Variants in WRNIP1 observed in about 807,000 individuals in gnomAD.
WRNIP1 encodes WRN helicase interacting protein 1.
WRNIP1 carries 41 observed loss-of-function variants against 56.1 expected under a neutral mutation model. The ratio of observed to expected loss-of-function variants is 0.73; its 90% confidence interval spans 0.57 to 0.95. The LOEUF is 0.95. WRNIP1 is among the 40% of genes least tolerant of loss of function. The pLI is 0.00. For synonymous variants in WRNIP1, 547 were observed against 398.1 expected, an observed-to-expected ratio of 1.37 and a Z score of -4.45; for missense variants, 1,170 against 939.4, an observed-to-expected ratio of 1.25 and a Z score of -3.21.
intron 3 of WRNIP1, chr6:2,773,320 C>A (rs1765353498): frequency 1.0e-6 from 1 of 985,282 alleles, no homozygotes; most frequent in South Asian, 4.7e-5. Flanking sequence ...GCTAGGGGAG[C>A]AGGTCCACTT....
chr6:2,785,247 AG>A lies in WRNIP1; in HGVS notation c.1969del (p.Val657Ter), dbSNP rs780041793. On this transcript the variant is annotated frameshift_variant, in exon 7 of 7. Coordinates refer to ENST00000380773, the MANE Select transcript of WRNIP1 (RefSeq NM_020135.3). LOFTEE classifies it high-confidence loss of function. ...VDQEYLPEEL[R>X]GVDFFKQRRC is the part of the protein sequence containing the mutation. The stretch of plus-strand genomic sequence containing the variant: ...TCAGGAGTACCTGCCTGAAGAGTTG[AG>A]GGGGGTAGATTTCTTCAAGCAGAGG... 38 of 1,613,900 alleles carry A rather than the reference AG, an allele frequency of 2.4e-5. No individual in the cohort carries two copies. Among genetic ancestry groups the A allele is most frequent in the Non-Finnish European group, 3.0e-5 (35 of 1,179,996 alleles).
chr6:2,766,333 G>A lies in WRNIP1; in HGVS notation c.711G>A (p.Gln237=). 1 of 1,610,788 alleles carries A rather than the reference G, an allele frequency of 6.2e-7. No individual in the cohort carries two copies. Among genetic ancestry groups the A allele is most frequent in the South Asian group, 1.1e-5 (1 of 90,566 alleles). Residue 237 remains glutamine, a synonymous_variant, in exon 1 of 7, where the codon CAG becomes CAA. Transcript: ENST00000380773. ...ACACGATGCGTCCTGACACGCTGCAGGATTACTTCGGGCAGAGCAAGGCCG... is the reference window on the plus strand; with the variant it reads ...ACACGATGCGTCCTGACACGCTGCAAGATTACTTCGGGCAGAGCAAGGCCG... The part of the protein sequence containing the change: ...LADTMRPDTL[Q]DYFGQSKAVG...
At position 2,770,261 on chromosome 6, in the gene WRNIP1, G is replaced by A. The variant is rs1279479892; in HGVS notation, c.1156G>A (p.Val386Met). The A allele has an allele frequency of 1.2e-6, 2 of 1,614,154 alleles. No individual in the cohort carries two copies. Among genetic ancestry groups the A allele is most frequent in the Non-Finnish European group, 8.5e-7 (1 of 1,180,034 alleles). ...TGAGAAGCTTCCAGTAGAGGCAATG[G>A]TGACTATTTTAATGCGAGCGATCAA... ...VLEKLPVEAM[V>M]TILMRAINSL... Residue 386 changes from valine (V) to methionine (M), a missense_variant, in exon 3 of 7, where the codon GTG (valine) becomes ATG (methionine). Physicochemically the swap from Val to Met is conservative, Grantham distance 21. Coordinates refer to ENST00000380773, the MANE Select transcript of WRNIP1 (RefSeq NM_020135.3).
intron 4 of WRNIP1, among the ~76,000 whole-genome samples, chr6:2,782,655 G>A (rs1169388046): frequency 2.0e-5 from 3 of 152,242 alleles, no homozygotes; most frequent in Non-Finnish European, 4.4e-5. Context: ...TGAAATGTAT[G>A]CAGGTGCCAC....
intron 1 of WRNIP1, 105 bp downstream of exon 1, chr6:2,766,549 C>G (rs778601680): frequency 2.3e-5 from 32 of 1,413,174 alleles, no homozygotes; most frequent in Non-Finnish European, 2.9e-5. Flanking sequence ...CCGCCTGCCT[C>G]TCCTGGATAA....
At chr6:2,768,610 C>CTGCG in intron 1 of WRNIP1, 81 bp from the exon 2 acceptor site, 1 of 1,229,776 alleles carries the variant, frequency 8.1e-7, no homozygotes, top group Non-Finnish European at 1.1e-6. Flanking sequence ...AATAGTGATG[C>CTGCG]TGCGTGTGGT....
At chr6:2,771,353 C>T (rs1765271822) in intron 3 of WRNIP1, among the ~76,000 whole-genome samples, 2 of 152,160 alleles carry the variant, frequency 1.3e-5, no homozygotes, top group Admixed American at 6.5e-5. Context: ...AAACATTTGG[C>T]CCGTGGACCA....
chr6:2,778,616 G>T (rs1333521502), intron 3 of WRNIP1, among the ~76,000 whole-genome samples: 1 of 152,144 alleles, frequency 6.6e-6, no homozygotes, highest in Non-Finnish European at 1.5e-5. Context: ...ACCCTGTGCG[G>T]ATTTTGCATG....
intron 1 of WRNIP1, among the ~76,000 whole-genome samples, chr6:2,768,070 A>G (rs1360274860): frequency 6.6e-6 from 1 of 152,228 alleles, no homozygotes; most frequent in Non-Finnish European, 1.5e-5. Context: ...TTGAGGACCC[A>G]AGAAGTGCTT....
intron 3 of WRNIP1, among the ~76,000 whole-genome samples, chr6:2,774,649 C>A (rs548021062): frequency 2.0e-5 from 3 of 152,324 alleles, no homozygotes; most frequent in African/African-American, 4.8e-5. Context: ...TTAGGACTTA[C>A]ATCTTTTGGG....
chr6:2,783,099 CT>C (rs999948593), intron 4 of WRNIP1, among the ~76,000 whole-genome samples: 21 of 152,242 alleles, frequency 1.4e-4, no homozygotes, highest in Admixed American at 9.2e-4. Context: ...ACTCTTGTCT[CT>C]GGCAAATCCA....
chr6:2,768,361 ACT>A (rs1316618994), intron 1 of WRNIP1, among the ~76,000 whole-genome samples: 2 of 152,132 alleles, frequency 1.3e-5, no homozygotes, highest in Non-Finnish European at 2.9e-5. Flanking sequence ...CACAGCTGTC[ACT>A]CTGCTAAATC....
intron 3 of WRNIP1, among the ~76,000 whole-genome samples, chr6:2,778,737 A>C (rs1471544365): frequency 1.3e-5 from 2 of 152,158 alleles, no homozygotes; most frequent in East Asian, 3.8e-4. Flanking sequence ...CTAGGGACCC[A>C]ATTTGTTGTT....
At chr6:2,775,766 T>G (rs571689665) in intron 3 of WRNIP1, among the ~76,000 whole-genome samples, 1 of 152,378 alleles carries the variant, frequency 6.6e-6, no homozygotes, top group East Asian at 1.9e-4. Context: ...TAAGTCTGTT[T>G]CTATCTCTAG....
chr6:2,779,228 G>A, intron 3 of WRNIP1, 35 bp from the exon 4 acceptor site: 1 of 1,603,768 alleles, frequency 6.2e-7, no homozygotes, highest in South Asian at 1.1e-5. Context: ...TATGCAGCCT[G>A]AGTGTGACCG....
chr6:2,770,937 A>G (rs1484787810), intron 3 of WRNIP1, among the ~76,000 whole-genome samples: 3 of 152,180 alleles, frequency 2.0e-5, no homozygotes, highest in South Asian at 2.1e-4. Flanking sequence ...GGCTGTCCCT[A>G]TCCTTTTAGT....
chr6:2,773,259 G>A, intron 3 of WRNIP1: 4 of 985,416 alleles, frequency 4.1e-6, no homozygotes, highest in Non-Finnish European at 4.8e-6. Flanking sequence ...CATTGGCTGA[G>A]GGTTGAAAAG....
Position 2,773,664 on chromosome 6 carries a change from G to A in WRNIP1, c.1256+3303G>A, listed in dbSNP as rs1765363485. On this transcript the variant is annotated intron_variant, in intron 3 of 6. Coordinates refer to ENST00000380773, the MANE Select transcript of WRNIP1 (RefSeq NM_020135.3). ...ATACGAAGAATGAGCTTGTGCTGCT[G>A]AAAATGAAAAAGTAAGCTAGCATTT... is the stretch of plus-strand genomic sequence containing the variant. The A allele has an allele frequency of 7.1e-6, 7 of 985,214 alleles. No homozygotes were observed. In the South Asian group the frequency reaches 3.3e-4, roughly 46 times the overall value. The allele number at this position is 985,214 out of a possible 1,614,324, so 61.0% of individuals were successfully genotyped here.
chr6:2,765,727 C>G lies in WRNIP1; in HGVS notation c.105C>G (p.His35Gln). 1 of 1,534,068 alleles carries G rather than the reference C, an allele frequency of 6.5e-7. No homozygotes were observed. Among genetic ancestry groups the G allele is most frequent in the Non-Finnish European group, 8.7e-7 (1 of 1,148,758 alleles). The change falls in exon 1 of 7, where the codon CAC becomes CAG. Residue 35 changes from histidine (H) to glutamine (Q), a missense_variant. Coordinates refer to ENST00000380773, the MANE Select transcript of WRNIP1 (RefSeq NM_020135.3). ...TGCCCGCCGCGCACATCAACTCGCA[C>G]CTGGACCGCTGTCTGCTGCTCCACC... ...QMMPAAHINSHLDRCLLLHPA... is the reference protein window; with the variant it reads ...QMMPAAHINSQLDRCLLLHPA...
Sources: gnomAD v4.1 joint callset for allele counts (sites outside exome capture counted in the v4.1 genomes callset) on GRCh38, gnomAD v4.1.1 for gene constraint, MANE v1.5 for transcripts, NCBI Gene and HGNC (gene_info 2026-07-23, HGNC 2026-07-21) for gene names.